The following E2F3 variants were observed in gnomAD, a reference collection of about 807,000 sequenced individuals.
The protein encoded by E2F3 is E2F transcription factor 3.
E2F3 carries 11 observed loss-of-function variants against 44.4 expected under a neutral mutation model. That is an observed-to-expected ratio of 0.25 (90% CI 0.16 to 0.41). E2F3 has a LOEUF of 0.41. Ranked by LOEUF, E2F3 falls within the 10% of genes least tolerant of loss-of-function variation. The probability of loss-of-function intolerance (pLI) is 1.00; values close to 1 mark genes in which losing one functional copy is unlikely to be tolerated. For missense variants in E2F3, 487 were observed against 583.6 expected (o/e 0.83, Z 1.70); for synonymous variants, 249 against 253.0 (o/e 0.98, Z 0.15).
In E2F3 at chr6:20,490,536, T is replaced by C; in HGVS notation, c.*106T>C. On this transcript the variant is annotated 3_prime_UTR_variant, in exon 7 of 7. Transcript: ENST00000346618. This position sits in a 1 kb window ranked among gnomAD's most constrained non-coding sequence, Gnocchi z 4.3. ...TTCCTACCTTCTTCCTCCAAGAGAG[T>C]ATCATGAAGTAAACTACAAACTTCA... is the stretch of plus-strand genomic sequence containing the variant. The C allele has an allele frequency of 7.0e-6, 8 of 1,140,472 alleles. No homozygotes were observed. The highest frequency in any genetic ancestry group is 9.5e-6 in the Non-Finnish European group (8 of 839,936). The allele number at this position is 1,140,472 out of a possible 1,614,324, so 70.6% of individuals were successfully genotyped here. A position where few individuals can be genotyped will look rare whatever the true frequency, so the allele number is the denominator to read the frequency against.
At chr6:20,414,201 C>T (rs1217236406) in intron 1 of E2F3, among the ~76,000 whole-genome samples, 1 of 152,216 alleles carries the variant, frequency 6.6e-6, no homozygotes, top group Non-Finnish European at 1.5e-5. Flanking sequence ...ATCATTTTCA[C>T]TTCTTCCTCT....
At chr6:20,404,454 T>C (rs1759425794) in intron 1 of E2F3, among the ~76,000 whole-genome samples, 1 of 152,174 alleles carries the variant, frequency 6.6e-6, no homozygotes, top group Non-Finnish European at 1.5e-5. Flanking sequence ...CTCAGTTAGA[T>C]CCATGGTAGC....
intron 2 of E2F3, among the ~76,000 whole-genome samples, chr6:20,480,465 C>T (rs754236781): frequency 4.5e-4 from 68 of 152,168 alleles, no homozygotes; most frequent in Non-Finnish European, 5.3e-4. Flanking sequence ...AAATAGCCAA[C>T]TAGTCCCATT....
chr6:20,447,706 G>A (rs1760996102), intron 1 of E2F3, among the ~76,000 whole-genome samples: 1 of 152,148 alleles, frequency 6.6e-6, no homozygotes, highest in Non-Finnish European at 1.5e-5. Flanking sequence ...TTTTGTCCAT[G>A]AGTTGTGTTA....
intron 1 of E2F3, chr6:20,403,693 T>A: frequency 7.4e-6 from 3 of 403,898 alleles, no homozygotes; most frequent in East Asian, 5.3e-5. Flanking sequence ...CCACCCTCCC[T>A]CTCCTCTCCC....
intron 1 of E2F3, among the ~76,000 whole-genome samples, chr6:20,477,495 G>T (rs1019352298): frequency 1.3e-5 from 2 of 152,104 alleles, no homozygotes; most frequent in Admixed American, 1.3e-4. Flanking sequence ...GCAGAGCTGG[G>T]CTTTGCCTGA....
At chr6:20,489,035 G>A (rs759348834) in intron 6 of E2F3, among the ~76,000 whole-genome samples, 20 of 151,960 alleles carry the variant, frequency 1.3e-4, no homozygotes, top group Non-Finnish European at 2.5e-4. Flanking sequence ...TCTCCTTCCC[G>A]CTCTGCAAAG....
intron 1 of E2F3, chr6:20,403,629 C>T (rs1759385500): frequency 1.0e-5 from 5 of 485,570 alleles, no homozygotes; most frequent in East Asian, 3.6e-5. Flanking sequence ...CTCCTGCTCG[C>T]CGGCTCCCTG....
In E2F3 at chr6:20,462,859, C is replaced by CTTTTTT. The variant is rs780366667; in HGVS notation, c.394-16955_394-16950dup. Among the ~76,000 whole-genome samples, 5 of 48,810 alleles carry CTTTTTT rather than the reference C, an allele frequency of 1.0e-4. 2 individuals are homozygous for CTTTTTT. Among genetic ancestry groups the CTTTTTT allele is most frequent in the African/African-American group, 1.6e-4 (2 of 12,756 alleles). The allele number at this position is 48,810 out of a possible 152,430, so 32.0% of individuals were successfully genotyped here. On this transcript the variant is annotated intron_variant, in intron 1 of 6. Transcript: ENST00000346618. The stretch of plus-strand genomic sequence containing the variant: ...TGTTTTGTTCTCTTTCTCTCTCTCT[C>CTTTTTT]TTTTTTTTTTTTTTTTTTTTTTTTT...
chr6:20,479,993 G>A (rs1762169432), intron 2 of E2F3, 36 bp downstream of exon 2: 9 of 1,563,848 alleles, frequency 5.8e-6, no homozygotes, highest in African/African-American at 2.7e-5. Flanking sequence ...TATTCTCCTT[G>A]GTATGGCATT....
chr6:20,460,359 G>T (rs1454522670), intron 1 of E2F3, among the ~76,000 whole-genome samples: 3 of 152,020 alleles, frequency 2.0e-5, no homozygotes, highest in Non-Finnish European at 4.4e-5. Flanking sequence ...TTCCTTCCAG[G>T]CCTTTTTCTA....
chr6:20,468,084 T>C (rs1349860273), intron 1 of E2F3, among the ~76,000 whole-genome samples: 2 of 152,240 alleles, frequency 1.3e-5, no homozygotes, highest in Non-Finnish European at 1.5e-5. Context: ...ATTACAGTTG[T>C]GACACCAGAT....
intron 1 of E2F3, among the ~76,000 whole-genome samples, chr6:20,439,562 G>T (rs953626826): frequency 2.0e-5 from 3 of 151,950 alleles, no homozygotes; most frequent in African/African-American, 7.3e-5. Flanking sequence ...AAGAGACAGG[G>T]TCTCTGTCAC....
chr6:20,421,864 C>CA (rs202078806), intron 1 of E2F3: 1,627 of 152,490 alleles, frequency 0.011, 19 homozygotes, highest in Non-Finnish European at 0.017. Context: ...GCTGGGACTA[C>CA]AGGCATGTGC....
At chr6:20,441,489 G>A (rs1476192226) in intron 1 of E2F3, among the ~76,000 whole-genome samples, 2 of 152,158 alleles carry the variant, frequency 1.3e-5, no homozygotes, top group African/African-American at 4.8e-5. Flanking sequence ...AGTATCTTCT[G>A]TTTGAGTCCC....
At chr6:20,485,051 G>A (rs1335748782) in intron 4 of E2F3, among the ~76,000 whole-genome samples, 7 of 151,346 alleles carry the variant, frequency 4.6e-5, no homozygotes, top group East Asian at 3.9e-4. Context: ...ATTAGATCAC[G>A]GACTCTATTA....
At chr6:20,448,420 G>A (rs1761018496) in intron 1 of E2F3, among the ~76,000 whole-genome samples, 1 of 152,098 alleles carries the variant, frequency 6.6e-6, no homozygotes, top group African/African-American at 2.4e-5. Context: ...CTTGTCATGT[G>A]CCCAGAGGAA....
intron 1 of E2F3, among the ~76,000 whole-genome samples, chr6:20,458,140 CCTTGTTCTGAA>C (rs1761376544): frequency 6.6e-6 from 1 of 152,082 alleles, no homozygotes; most frequent in African/African-American, 2.4e-5. Context: ...CTAACTAAGA[CCTTGTTCTGAA>C]CTTACAGTGG....
chr6:20,473,220 AGT>A (rs945972049), intron 1 of E2F3, among the ~76,000 whole-genome samples: 2 of 152,230 alleles, frequency 1.3e-5, no homozygotes, highest in African/African-American at 4.8e-5. Context: ...AATAAAATAA[AGT>A]GTGTCATTAA....
Sources: allele counts gnomAD v4.1 joint callset (sites outside exome capture counted in the v4.1 genomes callset), GRCh38; gene constraint gnomAD v4.1.1; non-coding constraint Gnocchi (gnomAD v3.1); transcripts MANE v1.5; gene names NCBI Gene and HGNC (gene_info 2026-07-23, HGNC 2026-07-21).